Variants in RAD51D observed in about 807,000 individuals in gnomAD.
RAD51D encodes DNA repair protein RAD51 homolog 4.
Under a neutral mutation model 44.1 loss-of-function variants are expected in RAD51D, and 38 were observed. The ratio of observed to expected loss-of-function variants is 0.86; its 90% confidence interval spans 0.67 to 1.13. The LOEUF (loss-of-function observed/expected upper bound fraction) is 1.13, where lower values mean the gene tolerates loss of function less well. Ranked by LOEUF, RAD51D falls within the 50% of genes most tolerant of loss-of-function variation. The pLI, the probability that RAD51D is intolerant of heterozygous loss-of-function variation, is 0.00. For missense variants in RAD51D, 390 were observed against 414.0 expected (o/e 0.94, Z 0.50); for synonymous variants, 141 against 166.6 (o/e 0.85, Z 1.18).
chr17:35,117,156 AC>A lies in RAD51D; in HGVS notation c.263+1344del, dbSNP rs2091760272. 4.4e-6 allele frequency: 5 copies of A among 1,129,454 alleles called. No homozygotes were observed. In the South Asian group the frequency reaches 7.6e-5, roughly 17 times the overall value. The allele number at this position is 1,129,454 out of a possible 1,614,324, so 70.0% of individuals were successfully genotyped here. A position where few individuals can be genotyped will look rare whatever the true frequency, so the allele number is the denominator to read the frequency against. The stretch of plus-strand genomic sequence containing the variant: ...TCTTGTATTCACTTGATTTTCCCCT[AC>A]ACCCAACTAGAGGCCTTAAGGGCAG... On this transcript the variant is annotated intron_variant, in intron 3 of 9. Transcript: ENST00000345365.
Position 35,118,514 on chromosome 17 carries a change from T to C in RAD51D, c.250A>G (p.Thr84Ala), listed in dbSNP as rs200018296. 7 of 1,613,722 alleles carry C rather than the reference T, an allele frequency of 4.3e-6. No individual in the cohort carries two copies. The African/African-American group carries it at 8.0e-5, about 18-fold the overall frequency. ...ACACACACAAACCTGCCAATGCCAG[T>C]GGACAGGATGGCAGTGGAGGTCTTC... ...ELKTSTAILSTGIGSLDKLLD... is the reference protein window; with the variant it reads ...ELKTSTAILSAGIGSLDKLLD... The change falls in exon 3 of 10, where the codon ACT becomes GCT. Residue 84 changes from threonine (T) to alanine (A), a missense_variant. Thr to Ala is a moderately conservative substitution (Grantham distance 58, BLOSUM62 0). Coordinates refer to ENST00000345365, the MANE Select transcript of RAD51D (RefSeq NM_002878.4).
In RAD51D at chr17:35,107,227, C is replaced by T. The variant is rs1479601163; in HGVS notation, c.346-105G>A. ...TCCAGCAACACAAATGGGCTGAGTCCCGACCCCATTCCTTATTACCCATCT... is the reference window on the plus strand; with the variant it reads ...TCCAGCAACACAAATGGGCTGAGTCTCGACCCCATTCCTTATTACCCATCT... On this transcript the variant is annotated intron_variant, in intron 4 of 9. Coordinates refer to ENST00000345365, the MANE Select transcript of RAD51D (RefSeq NM_002878.4). The T allele has an allele frequency of 4.7e-6, 7 of 1,501,070 alleles. No homozygotes were observed. The East Asian group carries it at 1.6e-4, about 34-fold the overall frequency. The allele number at this position is 1,501,070 out of a possible 1,614,324, so 93.0% of individuals were successfully genotyped here.
At chr17:35,118,396 T>A in intron 3 of RAD51D, 105 bp downstream of exon 3, 1 of 940,448 alleles carries the variant, frequency 1.1e-6, no homozygotes, top group East Asian at 2.4e-5. Flanking sequence ...CCATTATTGG[T>A]TAAAAAAAAA....
At position 35,099,443 on chromosome 17, in the gene RAD51D, G is replaced by C; in HGVS notation, c.*1510C>G. 5.2e-6 allele frequency: 1 copy of C among 190,962 alleles called. No individual in the cohort carries two copies. Among genetic ancestry groups the C allele is most frequent in the Non-Finnish European group, 1.1e-5 (1 of 89,918 alleles). 11.8% of individuals were successfully genotyped at this position (190,962 alleles called of 1,614,324 possible). ...TTTGCAATTTCCAGCTTCATGTATTGCATCTTACTGTGGTTGCAGGAATGT... is the reference window on the plus strand; with the variant it reads ...TTTGCAATTTCCAGCTTCATGTATTCCATCTTACTGTGGTTGCAGGAATGT... On this transcript the variant is annotated 3_prime_UTR_variant, in exon 10 of 10. Coordinates refer to ENST00000345365, the MANE Select transcript of RAD51D (RefSeq NM_002878.4).
At chr17:35,112,728 T>C (rs533789493) in intron 3 of RAD51D, among the ~76,000 whole-genome samples, 18 of 152,296 alleles carry the variant, frequency 1.2e-4, no homozygotes, top group African/African-American at 4.1e-4. Context: ...ACTGTGAGTA[T>C]AGAGAAATGC....
intron 3 of RAD51D, among the ~76,000 whole-genome samples, 196 bp from the exon 4 acceptor site, chr17:35,107,643 C>T (rs2091623965): frequency 6.6e-6 from 1 of 151,882 alleles, no homozygotes; most frequent in Admixed American, 6.6e-5. Flanking sequence ...CTCTCTTCAT[C>T]CCTCCACTCT....
At position 35,119,778 on chromosome 17, in the gene RAD51D, TG is replaced by T. The variant is rs1567736796; in HGVS notation, c.-166del. 9 of 754,732 alleles carry T rather than the reference TG, an allele frequency of 1.2e-5. No homozygotes were observed. Among genetic ancestry groups the T allele is most frequent in the Non-Finnish European group, 1.8e-5 (8 of 436,204 alleles). The allele number at this position is 754,732 out of a possible 1,614,324, so 46.8% of individuals were successfully genotyped here. On this transcript the variant is annotated 5_prime_UTR_variant, in exon 1 of 10. An upstream open reading frame in the 5' UTR gains an earlier in-frame stop. Coordinates refer to ENST00000345365, the MANE Select transcript of RAD51D (RefSeq NM_002878.4). ...GAGGAGGCGGCACCAAGGGTAGGGC[TG>T]GGGGTCATCCGCCCGCCCGGGATCC...
intron 3 of RAD51D, among the ~76,000 whole-genome samples, chr17:35,110,677 A>G (rs932861807): frequency 6.6e-6 from 1 of 152,214 alleles, no homozygotes; most frequent in African/African-American, 2.4e-5. Context: ...TTCCTCCAAC[A>G]CATTGTTTCT....
chr17:35,117,907 C>T (rs1326032280), intron 3 of RAD51D, among the ~76,000 whole-genome samples: 1 of 152,202 alleles, frequency 6.6e-6, no homozygotes, highest in South Asian at 2.1e-4. Flanking sequence ...TTGCCACTTG[C>T]TCCTCTTAGG....
In RAD51D at chr17:35,094,895, G is replaced by C. The variant is rs767191991; in HGVS notation, c.*6058C>G. 2.8e-5 allele frequency: 4 copies of C among 145,084 alleles called. No individual in the cohort carries two copies. Among genetic ancestry groups the C allele is most frequent in the African/African-American group, 8.6e-5 (3 of 34,944 alleles). The allele number at this position is 145,084 out of a possible 1,614,324, so 9.0% of individuals were successfully genotyped here. On this transcript the variant is annotated 3_prime_UTR_variant, in exon 10 of 10. Coordinates refer to ENST00000345365, the MANE Select transcript of RAD51D (RefSeq NM_002878.4). The stretch of plus-strand genomic sequence containing the variant: ...TGATTAACTCGTCTTTGGTACTACC[G>C]TAAGTACTAGTGAGAGGCTGCCCAC...
intron 3 of RAD51D, chr17:35,116,975 C>T (rs1246534141): frequency 6.2e-7 from 1 of 1,614,012 alleles, no homozygotes; most frequent in East Asian, 2.2e-5. Flanking sequence ...TCCACGATCT[C>T]CCTGCGGGGA....
intron 3 of RAD51D, among the ~76,000 whole-genome samples, chr17:35,110,136 A>G (rs1297459909): frequency 6.6e-6 from 1 of 151,760 alleles, no homozygotes; most frequent in African/African-American, 2.4e-5. Context: ...ACACCCAGCT[A>G]ATTTTTGTAT....
At position 35,103,302 on chromosome 17, in the gene RAD51D, C is replaced by T. The variant is rs1555567526; in HGVS notation, c.690G>A (p.Leu230=). Residue 230 remains leucine, a synonymous_variant, in exon 8 of 10, where the codon CTG becomes CTA. Coordinates refer to ENST00000345365, the MANE Select transcript of RAD51D (RefSeq NM_002878.4). This position sits in a 1 kb window ranked among gnomAD's most constrained non-coding sequence, Gnocchi z 4.1. ...GGGCCAGGGTCTTCAGCTCTCGGGCCAGCTGCATCATCAAGGCCAAGCCTG... is the reference window on the plus strand; with the variant it reads ...GGGCCAGGGTCTTCAGCTCTCGGGCTAGCTGCATCATCAAGGCCAAGCCTG... ...QREGLALMMQ[L]ARELKTLARD... is the part of the protein sequence containing the mutation. 1 of 1,612,134 alleles carries T rather than the reference C, an allele frequency of 6.2e-7. No homozygotes were observed. Among genetic ancestry groups the T allele is most frequent in the African/African-American group, 1.3e-5 (1 of 75,028 alleles).
chr17:35,107,525 GAC>G lies in RAD51D; in HGVS notation c.264-80_264-79del. The G allele has an allele frequency of 8.5e-6, 10 of 1,176,434 alleles. 1 individual carries two copies. In the South Asian group the frequency reaches 1.2e-4, roughly 14 times the overall value. 72.9% of individuals were successfully genotyped at this position (1,176,434 alleles called of 1,614,324 possible). On this transcript the variant is annotated intron_variant, in intron 3 of 9. Transcript: ENST00000345365. ...GAAAAGGTACCAAGAAGAAAAGTAA[GAC>G]ATTTCTTTCAAGCACTGGTTCTGTC...
At position 35,119,698 on chromosome 17, in the gene RAD51D, A is replaced by C; in HGVS notation, c.-85T>G. The C allele has an allele frequency of 7.3e-7, 1 of 1,378,254 alleles. No homozygotes were observed. Among genetic ancestry groups the C allele is most frequent in the South Asian group, 1.2e-5 (1 of 86,244 alleles). The allele number at this position is 1,378,254 out of a possible 1,614,324, so 85.4% of individuals were successfully genotyped here. A position where few individuals can be genotyped will look rare whatever the true frequency, so the allele number is the denominator to read the frequency against. On this transcript the variant is annotated 5_prime_UTR_variant, in exon 1 of 10. Transcript: ENST00000345365. ...GGTCCTCTCCAGACGCCCCTCCCCT[A>C]CCCCTTCCTAGAGAGGACACAGGCG...
Position 35,119,636 on chromosome 17 carries a change from C to G in RAD51D, c.-23G>C, listed in dbSNP as rs780122293. ...CATGTTCCCCGCAGGCCGGAACAGC[C>G]CCAGGGGGACTGCACGTCACGTGGG... On this transcript the variant is annotated 5_prime_UTR_variant, in exon 1 of 10. Transcript: ENST00000345365. 6.2e-7 allele frequency: 1 copy of G among 1,607,438 alleles called. No homozygotes were observed. Among genetic ancestry groups the G allele is most frequent in the Non-Finnish European group, 8.5e-7 (1 of 1,179,540 alleles).
intron 1 of RAD51D, 73 bp from the exon 2 acceptor site, chr17:35,119,245 T>G (rs1567736020): frequency 3.0e-6 from 4 of 1,354,948 alleles, no homozygotes; most frequent in South Asian, 2.3e-5. Context: ...TCCTCATCTG[T>G]CAAATGGGGT....
At chr17:35,112,684 T>C (rs1376439331) in intron 3 of RAD51D, among the ~76,000 whole-genome samples, 1 of 152,204 alleles carries the variant, frequency 6.6e-6, no homozygotes, top group Non-Finnish European at 1.5e-5. Flanking sequence ...GGCCAATAAA[T>C]GGTAGTGTTT....
In RAD51D at chr17:35,094,461, T is replaced by C. The variant is rs890655821; in HGVS notation, c.*6492A>G. On this transcript the variant is annotated 3_prime_UTR_variant, in exon 10 of 10. Transcript: ENST00000345365. ...CTAAACCTCCAGTTCTCTTTAATAC[T>C]AATGATATCTGCCTTCTCCAAGTTT... 6.6e-6 allele frequency: 1 copy of C among 152,212 alleles called. No homozygotes were observed. The highest frequency in any genetic ancestry group is 1.5e-5 in the Non-Finnish European group (1 of 68,036). The allele number at this position is 152,212 out of a possible 1,614,324, so 9.4% of individuals were successfully genotyped here.
Sources: allele counts gnomAD v4.1 joint callset (sites outside exome capture counted in the v4.1 genomes callset), GRCh38; gene constraint gnomAD v4.1.1; non-coding constraint Gnocchi (gnomAD v3.1); transcripts MANE v1.5; gene names NCBI Gene and HGNC (gene_info 2026-07-23, HGNC 2026-07-21).